Variants in MPP7 observed in about 807,000 individuals in gnomAD.
MPP7 encodes MAGUK p55 scaffold protein 7.
Under a neutral mutation model 76.5 loss-of-function variants are expected in MPP7, and 60 were observed. That is an observed-to-expected ratio of 0.78 (90% confidence interval 0.64 to 0.97). The LOEUF (loss-of-function observed/expected upper bound fraction) is 0.97. MPP7 is among the 50% of genes least tolerant of loss of function. The pLI is 0.00. For synonymous variants in MPP7, 237 were observed against 244.5 expected (o/e 0.97, Z 0.29); for missense variants, 641 against 694.0 (o/e 0.92, Z 0.86).
intron 3 of MPP7, among the ~76,000 whole-genome samples, chr10:28,197,457 A>G (rs987730094): frequency 3.3e-5 from 5 of 152,182 alleles, no homozygotes. Flanking sequence ...TGCTGGGATT[A>G]CAGGCATGAG....
intron 13 of MPP7, among the ~76,000 whole-genome samples, chr10:28,060,154 T>G (rs959131588): frequency 6.6e-6 from 1 of 152,168 alleles, no homozygotes; most frequent in South Asian, 2.1e-4. Context: ...CTGAAACTGT[T>G]TGACTCTCTT....
At chr10:28,114,148 T>C (rs918189239) in intron 11 of MPP7, among the ~76,000 whole-genome samples, 10 of 152,214 alleles carry the variant, frequency 6.6e-5, no homozygotes, top group Admixed American at 3.3e-4. Context: ...CAGTGGCTCA[T>C]GCCTATAATC....
intron 3 of MPP7, among the ~76,000 whole-genome samples, chr10:28,150,799 A>G (rs946671285): frequency 1.3e-5 from 2 of 152,154 alleles, no homozygotes; most frequent in Non-Finnish European, 2.9e-5. Context: ...TTGTGACCCA[A>G]GAAACACAAA....
Position 28,069,764 on chromosome 10 carries a change from G to C in MPP7, c.1204+8C>G. 1.2e-6 allele frequency: 2 copies of C among 1,610,892 alleles called. No homozygotes were observed. ...AGTCATAGGAACACTGAGTAGCGCA[G>C]AACTCACGGGGCACTGTCACGCCAT... is the stretch of plus-strand genomic sequence containing the variant. On this transcript the variant is annotated splice_region_variant and intron_variant, in intron 13 of 16. Transcript: ENST00000683449.
chr10:28,310,064 C>T (rs541957730), intron 2 of MPP7, among the ~76,000 whole-genome samples: 1 of 145,896 alleles, frequency 6.9e-6, no homozygotes, highest in Admixed American at 7.0e-5. Flanking sequence ...TGCAGTAGCA[C>T]AATCTCGGCT....
intron 11 of MPP7, among the ~76,000 whole-genome samples, chr10:28,112,576 T>C (rs772484427): frequency 7.2e-4 from 109 of 152,214 alleles, no homozygotes; most frequent in Non-Finnish European, 1.2e-3. Flanking sequence ...TATTTTTATA[T>C]CACTGATATA....
chr10:28,204,872 T>C (rs1837900246), intron 2 of MPP7, among the ~76,000 whole-genome samples: 1 of 152,214 alleles, frequency 6.6e-6, no homozygotes, highest in African/African-American at 2.4e-5. Flanking sequence ...TTGGATACAA[T>C]ACCATACTCA....
intron 11 of MPP7, among the ~76,000 whole-genome samples, chr10:28,117,347 C>T (rs147734015): frequency 1.5e-3 from 232 of 152,132 alleles, no homozygotes; most frequent in Non-Finnish European, 2.8e-3. Context: ...AATTTATAAA[C>T]ATTGACATGA....
intron 1 of MPP7, among the ~76,000 whole-genome samples, chr10:28,299,980 G>A (rs1841117108): frequency 6.6e-6 from 1 of 151,896 alleles, no homozygotes; most frequent in Non-Finnish European, 1.5e-5. Context: ...TGTTAGCCAG[G>A]ATGGTCTCAA....
At chr10:28,205,099 C>A (rs1837908714) in intron 2 of MPP7, among the ~76,000 whole-genome samples, 1 of 152,128 alleles carries the variant, frequency 6.6e-6, no homozygotes, top group South Asian at 2.1e-4. Context: ...GTAACAAGAG[C>A]CGTACCTTCC....
At chr10:28,122,736 C>G (rs1449234672) in intron 8 of MPP7, among the ~76,000 whole-genome samples, 1 of 152,024 alleles carries the variant, frequency 6.6e-6, no homozygotes, top group East Asian at 1.9e-4. Flanking sequence ...TTTTTATCAT[C>G]TCTATATATT....
intron 12 of MPP7, among the ~76,000 whole-genome samples, chr10:28,072,741 T>G (rs1852297244): frequency 1.3e-5 from 2 of 152,212 alleles, no homozygotes; most frequent in African/African-American, 4.8e-5. Flanking sequence ...TTGCCATCAC[T>G]AGGAGCTGAT....
At chr10:28,270,730 T>G (rs1055992463) in intron 1 of MPP7, among the ~76,000 whole-genome samples, 10 of 152,194 alleles carry the variant, frequency 6.6e-5, no homozygotes, top group Non-Finnish European at 1.3e-4. Flanking sequence ...AATGTTAAAC[T>G]GTCTTTGGGG....
At chr10:28,166,912 T>C (rs1836484027) in intron 3 of MPP7, among the ~76,000 whole-genome samples, 1 of 152,202 alleles carries the variant, frequency 6.6e-6, no homozygotes, top group Admixed American at 6.5e-5. Context: ...ATCATTTATT[T>C]TTCACTGCTA....
intron 2 of MPP7, among the ~76,000 whole-genome samples, chr10:28,236,033 T>G (rs952681032): frequency 6.6e-5 from 10 of 152,212 alleles, no homozygotes; most frequent in Admixed American, 1.3e-4. Context: ...AACGCACATT[T>G]CACACTTAAG....
intron 3 of MPP7, among the ~76,000 whole-genome samples, chr10:28,201,934 G>A (rs1171564942): frequency 2.6e-5 from 4 of 152,112 alleles, no homozygotes; most frequent in African/African-American, 9.7e-5. Context: ...GTGACCACAT[G>A]GTTGCTACAT....
intron 11 of MPP7, among the ~76,000 whole-genome samples, chr10:28,104,658 T>C (rs1853986713): frequency 6.6e-6 from 1 of 152,206 alleles, no homozygotes; most frequent in Non-Finnish European, 1.5e-5. Flanking sequence ...CTTTGGTCAT[T>C]AGTTGAACAG....
chr10:28,188,606 C>T (rs1192614799), intron 3 of MPP7, among the ~76,000 whole-genome samples: 1 of 152,034 alleles, frequency 6.6e-6, no homozygotes, highest in African/African-American at 2.4e-5. Flanking sequence ...GTGAAAAGGA[C>T]CAAAATAGTA....
chr10:28,225,343 C>G (rs1838653916), intron 2 of MPP7, among the ~76,000 whole-genome samples: 2 of 152,074 alleles, frequency 1.3e-5, no homozygotes, highest in Admixed American at 1.3e-4. Context: ...AAATTAAAAA[C>G]ATTTGTCCAT....
Sources: gnomAD v4.1 joint callset for allele counts (sites outside exome capture counted in the v4.1 genomes callset) on GRCh38, gnomAD v4.1.1 for gene constraint, MANE v1.5 for transcripts, NCBI Gene and HGNC (gene_info 2026-07-23, HGNC 2026-07-21) for gene names.